Variants in PHLPP2 observed in about 807,000 individuals in gnomAD.
PHLPP2 encodes the protein PH domain and leucine rich repeat protein phosphatase 2, also known as PH domain leucine-rich repeat-containing protein phosphatase 2.
PHLPP2 carries 66 observed loss-of-function variants against 124.9 expected under a neutral mutation model. That is an observed-to-expected ratio of 0.53 (90% confidence interval 0.43 to 0.65). The LOEUF (loss-of-function observed/expected upper bound fraction) is 0.65. Ranked by LOEUF, PHLPP2 falls within the 30% of genes least tolerant of loss-of-function variation. The probability of loss-of-function intolerance (pLI) is 0.00; values close to 1 mark genes in which losing one functional copy is unlikely to be tolerated. For synonymous variants in PHLPP2, 681 were observed against 624.7 expected, an observed-to-expected ratio of 1.09 and a Z score of -1.34; for missense variants, 1,685 against 1,600.4, an observed-to-expected ratio of 1.05 and a Z score of -0.90.
chr16:71,691,544 G>A (rs368082055), intron 3 of PHLPP2, among the ~76,000 whole-genome samples: 2 of 151,514 alleles, frequency 1.3e-5, no homozygotes, highest in South Asian at 2.1e-4. Flanking sequence ...ATAGTTTTAG[G>A]TACAAAAAGA....
intron 1 of PHLPP2, chr16:71,723,878 G>T: frequency 8.9e-7 from 1 of 1,125,712 alleles, no homozygotes; most frequent in South Asian, 3.6e-5. Flanking sequence ...CGGCGACCCA[G>T]GATTCACAGA....
At chr16:71,693,231 G>A (rs1156987029) in intron 3 of PHLPP2, among the ~76,000 whole-genome samples, 1 of 152,106 alleles carries the variant, frequency 6.6e-6, no homozygotes, top group African/African-American at 2.4e-5. Flanking sequence ...AGGTTGCAGT[G>A]AGCTGAGATC....
chr16:71,697,850 T>G (rs990961728), intron 3 of PHLPP2, among the ~76,000 whole-genome samples: 3 of 115,336 alleles, frequency 2.6e-5, no homozygotes, highest in African/African-American at 8.5e-5. Context: ...GAAGTAGGAT[T>G]TTTTTTTTTT....
In PHLPP2 at chr16:71,690,692, C is replaced by A. The variant is rs2045102609; in HGVS notation, c.436G>T (p.Asp146Tyr). 1 of 1,611,444 alleles carries A rather than the reference C, an allele frequency of 6.2e-7. No individual in the cohort carries two copies. The highest frequency in any genetic ancestry group is 8.5e-7 in the Non-Finnish European group (1 of 1,178,600). ...GACAATAGGATTCGATCCAAACGAT[C>A]CATGTGGCATGGTTTTTCTGAAAAG... ...RFYGEKPCHM[D>Y]RLDRILLSGI... The change falls in exon 4 of 19, where the codon GAT (aspartate) becomes TAT (tyrosine). Residue 146 changes from aspartate (D) to tyrosine (Y), a missense_variant. Transcript: ENST00000568954.
At chr16:71,707,386 C>A (rs1407978957) in intron 2 of PHLPP2, among the ~76,000 whole-genome samples, 2 of 151,922 alleles carry the variant, frequency 1.3e-5, no homozygotes, top group Non-Finnish European at 2.9e-5. Flanking sequence ...TATTCATGAC[C>A]CCCTTGGATC....
intron 1 of PHLPP2, among the ~76,000 whole-genome samples, chr16:71,719,964 A>ATTTTTTTTTTTTTTTTTTGT (rs2045387685): frequency 1.9e-5 from 1 of 53,246 alleles, no homozygotes; most frequent in Non-Finnish European, 3.1e-5. Context: ...TGCCCAGCTA[A>ATTTTTTTTTTTTTTTTTTGT]TTTTTTTTTT....
chr16:71,670,695 AACACACAC>A (rs71153651), intron 10 of PHLPP2, among the ~76,000 whole-genome samples: 3 of 128,940 alleles, frequency 2.3e-5, no homozygotes, highest in Non-Finnish European at 4.7e-5. Context: ...AGAGGCTGAA[AACACACAC>A]ACACACACAC....
Position 71,669,376 on chromosome 16 carries a change from G to A in PHLPP2, c.1533-6C>T, listed in dbSNP as rs774233687. On this transcript the variant is annotated splice_region_variant and splice_polypyrimidine_tract_variant and intron_variant, in intron 10 of 18. Coordinates refer to ENST00000568954, the MANE Select transcript of PHLPP2 (RefSeq NM_015020.3). ...GGACACACTCTAGCAGGTTTCTGCA[G>A]AAAATAAATAATTAAATGGCACCAT... 10 of 1,592,382 alleles carry A rather than the reference G, an allele frequency of 6.3e-6. No homozygotes were observed. Among genetic ancestry groups the A allele is most frequent in the Non-Finnish European group, 8.6e-6 (10 of 1,163,820 alleles).
chr16:71,692,868 C>T (rs545282826), intron 3 of PHLPP2, among the ~76,000 whole-genome samples: 2 of 151,782 alleles, frequency 1.3e-5, no homozygotes, highest in East Asian at 1.9e-4. Context: ...TGGATATGGA[C>T]GACTGACTGT....
intron 16 of PHLPP2, among the ~76,000 whole-genome samples, chr16:71,656,160 C>T (rs1350541860): frequency 6.6e-6 from 1 of 152,042 alleles, no homozygotes; most frequent in African/African-American, 2.4e-5. Context: ...TGAAAAGAAC[C>T]CAGTATAGGG....
At chr16:71,710,084 A>G (rs1234939309) in intron 2 of PHLPP2, among the ~76,000 whole-genome samples, 1 of 152,134 alleles carries the variant, frequency 6.6e-6, no homozygotes, top group African/African-American at 2.4e-5. Context: ...CCTGAGCCCA[A>G]GCAATCCTTC....
chr16:71,696,495 G>A (rs1351402613), intron 3 of PHLPP2, among the ~76,000 whole-genome samples: 2 of 151,994 alleles, frequency 1.3e-5, no homozygotes, highest in Middle Eastern at 3.2e-3. Flanking sequence ...AAACTAGCCA[G>A]GCATGGTGGT....
chr16:71,649,671 G>A lies in PHLPP2; in HGVS notation c.3191C>T (p.Ala1064Val), dbSNP rs772067328. 2 of 1,614,142 alleles carry A rather than the reference G, an allele frequency of 1.2e-6. No individual in the cohort carries two copies. The highest frequency in any genetic ancestry group is 1.7e-5 in the Admixed American group (1 of 60,032). The change falls in exon 19 of 19, where the codon GCC becomes GTC. Residue 1064 changes from alanine to valine, a missense_variant. Coordinates refer to ENST00000568954, the MANE Select transcript of PHLPP2 (RefSeq NM_015020.3). ...GFASTTTIKD[A>V]PKPATPSSSS... The stretch of plus-strand genomic sequence containing the variant: ...AGAGGATGGAGTGGCTGGCTTAGGG[G>A]CATCCTTGATAGTGGTGGTTGAAGC...
intron 4 of PHLPP2, 98 bp from the exon 5 acceptor site, chr16:71,684,699 A>T: frequency 8.4e-7 from 1 of 1,195,482 alleles, no homozygotes; most frequent in Non-Finnish European, 1.2e-6. Context: ...AATTTTTAAA[A>T]ATAGTTATTT....
In PHLPP2 at chr16:71,647,061, A is replaced by T. The variant is rs1337009822; in HGVS notation, c.*1829T>A. The T allele has an allele frequency of 6.6e-6, 1 of 152,584 alleles. No individual in the cohort carries two copies. The highest frequency in any genetic ancestry group is 6.5e-5 in the Admixed American group (1 of 15,270). 9.5% of individuals were successfully genotyped at this position (152,584 alleles called of 1,614,324 possible). On this transcript the variant is annotated 3_prime_UTR_variant, in exon 19 of 19. Coordinates refer to ENST00000568954, the MANE Select transcript of PHLPP2 (RefSeq NM_015020.3). ...AAATCTTCCCAAAAATACACACGAA[A>T]ATATATTTATATTTAACCCTCTCTT...
chr16:71,655,860 G>A lies in PHLPP2; in HGVS notation c.2391-426C>T, dbSNP rs573493192. Among the ~76,000 whole-genome samples the A allele has an allele frequency of 1.8e-4, 28 of 152,230 alleles. 1 individual carries two copies. Among genetic ancestry groups the A allele is most frequent in the African/African-American group, 6.0e-4 (25 of 41,532 alleles). On this transcript the variant is annotated intron_variant, in intron 16 of 18. Coordinates refer to ENST00000568954, the MANE Select transcript of PHLPP2 (RefSeq NM_015020.3). ...ACTACTAGCAAATCGTAATCTACAC[G>A]TAAGAAAAGTCCCTAGACATGATAA...
chr16:71,721,491 C>T (rs78686234), intron 1 of PHLPP2, among the ~76,000 whole-genome samples: 5,947 of 152,184 alleles, frequency 0.039, 163 homozygotes, highest in East Asian at 0.092. Context: ...ATAGTCCTAG[C>T]TACTTGAGAG....
At chr16:71,655,589 A>C (rs1328694349) in intron 16 of PHLPP2, among the ~76,000 whole-genome samples, 155 bp from the exon 17 acceptor site, 2 of 146,096 alleles carry the variant, frequency 1.4e-5, no homozygotes, top group Admixed American at 7.1e-5. Flanking sequence ...TGCAAGCTCC[A>C]CCTCCCAGGT....
At chr16:71,700,493 T>C (rs2045220369) in intron 3 of PHLPP2, among the ~76,000 whole-genome samples, 1 of 151,078 alleles carries the variant, frequency 6.6e-6, no homozygotes, top group Non-Finnish European at 1.5e-5. Context: ...CTCTCTATAG[T>C]ATGGGCTGTG....
Sources: allele counts gnomAD v4.1 joint callset (sites outside exome capture counted in the v4.1 genomes callset), GRCh38; gene constraint gnomAD v4.1.1; transcripts MANE v1.5; gene names NCBI Gene and HGNC (gene_info 2026-07-23, HGNC 2026-07-21).